Variants in GRID1 observed in about 807,000 individuals in gnomAD.
GRID1 encodes glutamate ionotropic receptor delta type subunit 1, also known as glutamate receptor ionotropic, delta-1.
Under a neutral mutation model 98.0 loss-of-function variants are expected in GRID1, and 28 were observed. The ratio of observed to expected loss-of-function variants is 0.29; its 90% CI spans 0.21 to 0.39. The LOEUF (loss-of-function observed/expected upper bound fraction) is 0.39, where lower values mean the gene tolerates loss of function less well. GRID1 is among the 10% of genes least tolerant of loss of function. GRID1 has a pLI of 1.00. For synonymous variants in GRID1, 553 were observed against 538.5 expected (o/e 1.03, Z -0.37); for missense variants, 1,111 against 1,340.5 (o/e 0.83, Z 2.67).
At chr10:85,965,913 TCTA>T (rs1842330606) in intron 4 of GRID1, among the ~76,000 whole-genome samples, 1 of 152,116 alleles carries the variant, frequency 6.6e-6, no homozygotes, top group South Asian at 2.1e-4. Context: ...TTTAACTAGA[TCTA>T]CTCCCACCAC....
At chr10:86,243,728 G>A (rs1846674284) in intron 2 of GRID1, among the ~76,000 whole-genome samples, 1 of 152,150 alleles carries the variant, frequency 6.6e-6, no homozygotes, top group South Asian at 2.1e-4. Context: ...AAAGTTGCTT[G>A]CCCAAAATGC....
intron 4 of GRID1, among the ~76,000 whole-genome samples, chr10:85,971,399 A>G (rs1171827851): frequency 2.6e-5 from 4 of 152,126 alleles, no homozygotes; most frequent in African/African-American, 9.6e-5. Flanking sequence ...AGTGAAAAAG[A>G]TGATACAAAT....
intron 8 of GRID1, among the ~76,000 whole-genome samples, chr10:85,764,264 G>C (rs973506416): frequency 6.6e-6 from 1 of 152,148 alleles, no homozygotes; most frequent in Non-Finnish European, 1.5e-5. Context: ...CAAAGTGATG[G>C]TTCTCAAAGG....
At chr10:85,651,062 A>G (rs531614575) in intron 12 of GRID1, among the ~76,000 whole-genome samples, 11 of 152,182 alleles carry the variant, frequency 7.2e-5, no homozygotes, top group Non-Finnish European at 1.5e-4. Context: ...GGTGCTCAGC[A>G]GTCTATGTTT....
chr10:86,095,842 T>C (rs1844214043), intron 4 of GRID1, among the ~76,000 whole-genome samples: 1 of 152,212 alleles, frequency 6.6e-6, no homozygotes, highest in Admixed American at 6.5e-5. Context: ...TACCATTTGA[T>C]CCAGCAATCG....
At chr10:86,060,046 C>T (rs997342469) in intron 4 of GRID1, among the ~76,000 whole-genome samples, 2 of 152,162 alleles carry the variant, frequency 1.3e-5, no homozygotes, top group African/African-American at 2.4e-5. Flanking sequence ...GTGTTCAATG[C>T]TACGCACAGT....
intron 8 of GRID1, among the ~76,000 whole-genome samples, chr10:85,835,460 G>A (rs1351635748): frequency 6.6e-6 from 1 of 152,150 alleles, no homozygotes; most frequent in Non-Finnish European, 1.5e-5. Flanking sequence ...CATGAGATCT[G>A]ATGATTTTAT....
At chr10:86,021,084 T>C (rs1040873001) in intron 4 of GRID1, among the ~76,000 whole-genome samples, 2 of 152,142 alleles carry the variant, frequency 1.3e-5, no homozygotes, top group Non-Finnish European at 2.9e-5. Flanking sequence ...GGGAGGACGA[T>C]AAAAGTGTCT....
intron 2 of GRID1, among the ~76,000 whole-genome samples, chr10:86,271,986 C>CA (rs1317672221): frequency 6.6e-6 from 1 of 151,990 alleles, no homozygotes; most frequent in East Asian, 1.9e-4. Context: ...ACATTATAAT[C>CA]AAAATGCTCA....
chr10:85,937,536 T>C (rs1197895313), intron 4 of GRID1, among the ~76,000 whole-genome samples: 1 of 152,240 alleles, frequency 6.6e-6, no homozygotes, highest in African/African-American at 2.4e-5. Flanking sequence ...GTTCACCTTG[T>C]GGTTGACCTG....
intron 8 of GRID1, among the ~76,000 whole-genome samples, chr10:85,851,971 C>T (rs1843062408): frequency 6.6e-6 from 1 of 152,094 alleles, no homozygotes; most frequent in African/African-American, 2.4e-5. Flanking sequence ...CCCCGTCTCC[C>T]ACCCGAAACT....
chr10:85,775,853 C>T (rs1243152285), intron 8 of GRID1, among the ~76,000 whole-genome samples: 13 of 152,124 alleles, frequency 8.5e-5, no homozygotes. Context: ...GGACTAAACA[C>T]AAAAGAGTCA....
intron 8 of GRID1, among the ~76,000 whole-genome samples, chr10:85,842,699 A>C (rs12253655): frequency 0.069 from 10,447 of 152,102 alleles, 395 homozygotes; most frequent in Non-Finnish European, 0.081. Context: ...AACCATGATG[A>C]AATAGATAAT....
chr10:86,188,059 C>T (rs932463311), intron 3 of GRID1, among the ~76,000 whole-genome samples: 7 of 152,170 alleles, frequency 4.6e-5, no homozygotes, highest in Non-Finnish European at 7.4e-5. Flanking sequence ...CCCCTTATAG[C>T]GCAGATCCTC....
chr10:85,964,407 T>C (rs1406664026), intron 4 of GRID1, among the ~76,000 whole-genome samples: 1 of 152,132 alleles, frequency 6.6e-6, no homozygotes, highest in Non-Finnish European at 1.5e-5. Flanking sequence ...AAAGCTACAG[T>C]AACCAAAACA....
chr10:86,131,907 A>G (rs181253142), intron 4 of GRID1, among the ~76,000 whole-genome samples: 6 of 152,164 alleles, frequency 3.9e-5, no homozygotes, highest in Admixed American at 3.9e-4. Context: ...ACCATAATGC[A>G]TGGCCCCTGA....
intron 4 of GRID1, among the ~76,000 whole-genome samples, chr10:86,044,236 T>C (rs530729132): frequency 1.3e-5 from 2 of 152,364 alleles, no homozygotes; most frequent in African/African-American, 2.4e-5. Context: ...GTGAAGTGGC[T>C]AATGGCATTT....
intron 2 of GRID1, among the ~76,000 whole-genome samples, chr10:86,234,079 C>G (rs892676796): frequency 9.2e-5 from 14 of 152,162 alleles, no homozygotes; most frequent in African/African-American, 3.1e-4. Context: ...GGAACACCTC[C>G]TGAGGCCACT....
At chr10:86,156,052 A>G (rs7920781) in intron 3 of GRID1, among the ~76,000 whole-genome samples, 28,269 of 152,206 alleles carry the variant, frequency 0.19, 4,180 homozygotes, top group African/African-American at 0.41. Context: ...GGAGTCAGAT[A>G]TAGAGACAGC....
Sources: gnomAD v4.1 joint callset for allele counts (sites outside exome capture counted in the v4.1 genomes callset) on GRCh38, gnomAD v4.1.1 for gene constraint, MANE v1.5 for transcripts, NCBI Gene and HGNC (gene_info 2026-07-23, HGNC 2026-07-21) for gene names.